UBE2D2: variants seen among roughly 807,000 people sequenced by gnomAD.
The protein encoded by UBE2D2 is ubiquitin-conjugating enzyme E2 D2.
In UBE2D2, 2 loss-of-function variants were observed where a neutral mutation model predicts 24.2. The observed-to-expected ratio is 0.08, with a 90% CI of 0.03 to 0.26. UBE2D2 has a LOEUF of 0.26. Ranked by LOEUF, UBE2D2 falls within the 10% of genes least tolerant of loss-of-function variation. The pLI is 1.00. For synonymous variants in UBE2D2, 58 were observed against 56.5 expected, an observed-to-expected ratio of 1.03 and a Z score of -0.12; for missense variants, 44 against 177.6, an observed-to-expected ratio of 0.25 and a Z score of 4.28.
At chr5:139,540,562 A>AG (rs397799630) in intron 1 of UBE2D2, among the ~76,000 whole-genome samples, 1 of 151,178 alleles carries the variant, frequency 6.6e-6, no homozygotes, top group African/African-American at 2.4e-5. Context: ...AAAAAAAAAA[A>AG]GAATAATAGC....
intron 1 of UBE2D2, among the ~76,000 whole-genome samples, chr5:139,548,193 A>AAAAAAAAAATAAAAAATAAAT: frequency 2.1e-5 from 1 of 47,104 alleles, no homozygotes; most frequent in Non-Finnish European, 3.8e-5. Flanking sequence ...ATAAAAAAAA[A>AAAAAAAAAATAAAAAATAAAT]AAATAAATAA....
intron 1 of UBE2D2, among the ~76,000 whole-genome samples, chr5:139,548,188 A>T (rs1752861818): frequency 6.1e-5 from 3 of 49,342 alleles, no homozygotes; most frequent in East Asian, 3.7e-4. Context: ...AAAAAATAAA[A>T]AAAAAAAATA....
intron 1 of UBE2D2, among the ~76,000 whole-genome samples, chr5:139,580,455 G>T (rs1185193151): frequency 6.6e-6 from 1 of 152,076 alleles, no homozygotes; most frequent in Non-Finnish European, 1.5e-5. Context: ...GTGAGACCCT[G>T]TTTCTACAAA....
chr5:139,613,731 T>C (rs528548522), intron 2 of UBE2D2, among the ~76,000 whole-genome samples: 39 of 152,318 alleles, frequency 2.6e-4, no homozygotes, highest in Non-Finnish European at 4.3e-4. Context: ...AAACCAGTCT[T>C]TCTTAATTTG....
chr5:139,556,011 C>T (rs1427045852), intron 1 of UBE2D2, among the ~76,000 whole-genome samples: 8 of 139,494 alleles, frequency 5.7e-5, no homozygotes, highest in Non-Finnish European at 3.0e-5. Context: ...CTGAGGTGGG[C>T]GGATCACCTG....
At chr5:139,619,010 C>G (rs1199698385) in intron 5 of UBE2D2, among the ~76,000 whole-genome samples, 1 of 152,050 alleles carries the variant, frequency 6.6e-6, no homozygotes, top group Admixed American at 6.6e-5. Context: ...AACAAAAACA[C>G]TGAAAAAAAC....
intron 1 of UBE2D2, among the ~76,000 whole-genome samples, chr5:139,567,340 C>T (rs1447390558): frequency 6.6e-6 from 1 of 151,440 alleles, no homozygotes; most frequent in African/African-American, 2.4e-5. Flanking sequence ...CCTTGTGATC[C>T]ACCTGCTTCG....
At chr5:139,563,487 T>C (rs1732156405) in intron 1 of UBE2D2, among the ~76,000 whole-genome samples, 1 of 151,436 alleles carries the variant, frequency 6.6e-6, no homozygotes, top group Non-Finnish European at 1.5e-5. Flanking sequence ...CCAAAAAAAA[T>C]ATATACATAT....
At chr5:139,560,846 A>G (rs190235955), upstream of UBE2D2, among the ~76,000 whole-genome samples, 43 of 152,240 alleles carry the variant, frequency 2.8e-4, no homozygotes, top group South Asian at 2.7e-3. Context: ...CCGAGCGGCT[A>G]TGAGACATCT....
chr5:139,612,712 C>T lies in UBE2D2; in HGVS notation c.89-1874C>T, dbSNP rs536971832. The stretch of plus-strand genomic sequence containing the variant: ...TCTAGTTATCAATGTTTTATTTACT[C>T]AAATTGTAAGTATATTTGTGATTAA... On this transcript the variant is annotated intron_variant, in intron 2 of 6. Coordinates refer to ENST00000398733, the MANE Select transcript of UBE2D2 (RefSeq NM_003339.3). Among the ~76,000 whole-genome samples, 7 of 152,266 alleles carry T rather than the reference C, an allele frequency of 4.6e-5. No individual in the cohort carries two copies. The East Asian group carries it at 1.2e-3, about 25-fold the overall frequency.
At chr5:139,610,539 CAA>C (rs111324253) in intron 2 of UBE2D2, among the ~76,000 whole-genome samples, 1 of 141,616 alleles carries the variant, frequency 7.1e-6, no homozygotes, top group Non-Finnish European at 1.5e-5. Context: ...GACTCCGTCT[CAA>C]AAAAAAAATA....
chr5:139,561,600 G>T lies in UBE2D2; in HGVS notation c.-192G>T. The T allele has an allele frequency of 2.3e-6, 1 of 441,214 alleles. No homozygotes were observed. Among genetic ancestry groups the T allele is most frequent in the Non-Finnish European group, 4.0e-6 (1 of 252,196 alleles). 27.3% of individuals were successfully genotyped at this position (441,214 alleles called of 1,614,324 possible). On this transcript the variant is annotated 5_prime_UTR_variant, in exon 1 of 7. The change abolishes the stop of an existing upstream ORF in the 5' untranslated region. Transcript: ENST00000398733. ...AGGGGCCGCCGCCGGGTGATGCGGT[G>T]ACCGCTGCGGCAGGCCCAGGAGCTG...
chr5:139,595,160 T>C (rs1753933912), intron 1 of UBE2D2, among the ~76,000 whole-genome samples: 1 of 152,186 alleles, frequency 6.6e-6, no homozygotes, highest in Non-Finnish European at 1.5e-5. Flanking sequence ...AATAGAAAGT[T>C]GAAATTAATG....
intron 1 of UBE2D2, among the ~76,000 whole-genome samples, chr5:139,584,071 A>C (rs1424916929): frequency 6.6e-6 from 1 of 152,210 alleles, no homozygotes; most frequent in Non-Finnish European, 1.5e-5. Flanking sequence ...CTAGGCCCTC[A>C]CATTCATTCA....
At chr5:139,590,975 G>A (rs1192895338) in intron 1 of UBE2D2, among the ~76,000 whole-genome samples, 1 of 151,068 alleles carries the variant, frequency 6.6e-6, no homozygotes, top group African/African-American at 2.4e-5. Flanking sequence ...TGCATTTTTA[G>A]TAGAGAGGGG....
chr5:139,536,618 A>AG (rs1035202807), intron 1 of UBE2D2, among the ~76,000 whole-genome samples: 4 of 151,804 alleles, frequency 2.6e-5, no homozygotes, highest in African/African-American at 9.7e-5. Flanking sequence ...AGCTTCCCAA[A>AG]GTGCTAGGAT....
chr5:139,562,515 A>G, intron 1 of UBE2D2: 1 of 1,144,014 alleles, frequency 8.7e-7, no homozygotes, highest in Non-Finnish European at 1.1e-6. Flanking sequence ...TGGATCTAAT[A>G]GAAAAGCTGT....
At chr5:139,550,100 G>T (rs370415139) in intron 1 of UBE2D2, among the ~76,000 whole-genome samples, 10 of 151,826 alleles carry the variant, frequency 6.6e-5, no homozygotes, top group African/African-American at 2.4e-4. Flanking sequence ...GGGACTTGGA[G>T]AACCTTTATG....
At chr5:139,527,257 T>G (rs752175639) in intron 1 of UBE2D2, among the ~76,000 whole-genome samples, 2 of 152,102 alleles carry the variant, frequency 1.3e-5, no homozygotes, top group Non-Finnish European at 2.9e-5. Flanking sequence ...TTTCTATACA[T>G]AGACAGTTAC....
Sources: gnomAD v4.1 joint callset for allele counts (sites outside exome capture counted in the v4.1 genomes callset) on GRCh38, gnomAD v4.1.1 for gene constraint, MANE v1.5 for transcripts, NCBI Gene and HGNC (gene_info 2026-07-23, HGNC 2026-07-21) for gene names.